Variants in CHDH observed in about 807,000 individuals in gnomAD.
CHDH encodes the protein choline dehydrogenase.
In CHDH, 43 loss-of-function variants were observed where a neutral mutation model predicts 56.9. That is an observed-to-expected ratio of 0.76 (90% CI 0.59 to 0.97). The LOEUF (loss-of-function observed/expected upper bound fraction) is 0.97, where lower values mean the gene tolerates loss of function less well. Among genes scored for constraint, CHDH ranks in the 50% least tolerant of loss-of-function variants. The pLI, the probability that CHDH is intolerant of heterozygous loss-of-function variation, is 0.00. For missense variants in CHDH, 816 were observed against 821.1 expected (o/e 0.99, Z 0.08); for synonymous variants, 364 against 348.5 (o/e 1.04, Z -0.50).
chr3:53,828,676 G>T (rs965772158), intron 2 of CHDH, among the ~76,000 whole-genome samples: 10 of 152,182 alleles, frequency 6.6e-5, no homozygotes, highest in Admixed American at 6.5e-5. Flanking sequence ...TCAGGAAAAT[G>T]CAAATTAAAA....
chr3:53,820,158 C>T (rs2095623467), intron 6 of CHDH, among the ~76,000 whole-genome samples: 1 of 152,238 alleles, frequency 6.6e-6, no homozygotes, highest in South Asian at 2.1e-4. Flanking sequence ...CCTTGGACCT[C>T]ACCTGCTGTC....
chr3:53,839,561 G>A (rs993943207), intron 2 of CHDH, among the ~76,000 whole-genome samples: 4 of 152,236 alleles, frequency 2.6e-5, no homozygotes, highest in African/African-American at 9.6e-5. Context: ...TGATTCTGCA[G>A]TTATGTTGTT....
At chr3:53,831,930 G>A (rs1255944203) in intron 2 of CHDH, among the ~76,000 whole-genome samples, 1 of 150,494 alleles carries the variant, frequency 6.6e-6, no homozygotes, top group African/African-American at 2.5e-5. Flanking sequence ...CTCCAGCCTG[G>A]CAACAGAGCC....
intron 3 of CHDH, 60 bp downstream of exon 3, chr3:53,823,246 G>A: frequency 7.1e-7 from 1 of 1,410,642 alleles, no homozygotes; most frequent in Non-Finnish European, 9.3e-7. Context: ...CACGGGCCAA[G>A]ATGGGTGGGG....
intron 3 of CHDH, among the ~76,000 whole-genome samples, chr3:53,823,048 C>T (rs570052364): frequency 6.6e-6 from 1 of 152,158 alleles, no homozygotes; most frequent in East Asian, 1.9e-4. Flanking sequence ...GTCCAGAGAG[C>T]TGATTCTCTG....
rs1319494146 is a variant in CHDH, at chr3:53,822,623, G to C, written c.723C>G (p.Ala241=). The C allele has an allele frequency of 6.2e-7, 1 of 1,610,702 alleles. No individual in the cohort carries two copies. The highest frequency in any genetic ancestry group is 1.7e-5 in the Admixed American group (1 of 60,022). Residue 241 remains alanine (A), a synonymous_variant, in exon 4 of 9, where the codon GCC becomes GCG. Transcript: ENST00000315251. ...TIHEGKRWSA[A]CAYLHPALSR... is the part of the protein sequence containing the mutation. ...TCAGTGCTGGGTGCAGGTAGGCACA[G>C]GCCGCGCTCCACCGTTTGCCTGCAG... is the stretch of plus-strand genomic sequence containing the variant.
intron 2 of CHDH, among the ~76,000 whole-genome samples, chr3:53,831,999 T>C (rs944251931): frequency 6.6e-6 from 1 of 150,656 alleles, no homozygotes; most frequent in Non-Finnish European, 1.5e-5. Flanking sequence ...AATGAGGATA[T>C]GGAGAAATGG....
chr3:53,817,519 G>A lies in CHDH; in HGVS notation c.*258C>T, dbSNP rs1213338765. 7 of 501,214 alleles carry A rather than the reference G, an allele frequency of 1.4e-5. No individual in the cohort carries two copies. Among genetic ancestry groups the A allele is most frequent in the Non-Finnish European group, 2.4e-5 (7 of 286,356 alleles). The allele number at this position is 501,214 out of a possible 1,614,324, so 31.0% of individuals were successfully genotyped here. A position where few individuals can be genotyped will look rare whatever the true frequency, so the allele number is the denominator to read the frequency against. On this transcript the variant is annotated 3_prime_UTR_variant, in exon 9 of 9. Coordinates refer to ENST00000315251, the MANE Select transcript of CHDH (RefSeq NM_018397.5). The stretch of plus-strand genomic sequence containing the variant: ...TCCTCCCCTTCTGTCCCTCCAGGAG[G>A]CAGGGAGGAACATCTCAGGCTGAAT...
chr3:53,832,468 C>T (rs539272152), intron 2 of CHDH, among the ~76,000 whole-genome samples: 2 of 151,770 alleles, frequency 1.3e-5, no homozygotes, highest in South Asian at 4.2e-4. Flanking sequence ...GGAGGCGGAG[C>T]TTGCAGTGAG....
Position 53,822,891 on chromosome 3 carries a change from C to A in CHDH, c.704-249G>T, listed in dbSNP as rs138603713. The stretch of plus-strand genomic sequence containing the variant: ...AACAGGAGGACACAGAGACCAGGAG[C>A]ACAGCCAGAGGGGTGAGAGCCTTCA... On this transcript the variant is annotated intron_variant, in intron 3 of 8. Transcript: ENST00000315251. Among the ~76,000 whole-genome samples the A allele has an allele frequency of 3.5e-3, 537 of 152,294 alleles. 7 individuals carry two copies. Among genetic ancestry groups the A allele is most frequent in the African/African-American group, 0.012 (514 of 41,556 alleles).
intron 2 of CHDH, among the ~76,000 whole-genome samples, chr3:53,835,068 T>C (rs1208954176): frequency 6.6e-6 from 1 of 152,220 alleles, no homozygotes; most frequent in African/African-American, 2.4e-5. Flanking sequence ...TTTAAAGGTA[T>C]AGCCCTTTGT....
At position 53,823,523 on chromosome 3, in the gene CHDH, G is replaced by T; in HGVS notation, c.486C>A (p.His162Gln). 5.2e-6 allele frequency: 8 copies of T among 1,542,292 alleles called. No individual in the cohort carries two copies. The highest frequency in any genetic ancestry group is 7.0e-6 in the Non-Finnish European group (8 of 1,145,894). Residue 162 changes from histidine to glutamine, a missense_variant, in exon 3 of 9, where the codon CAC (histidine) becomes CAA (glutamine). Transcript: ENST00000315251. ...RQGARGWDYA[H>Q]CLPYFRKAQG... ...GCGCCTTGCGGAAGTAGGGCAGGCA[G>T]TGCGCGTAGTCCCAGCCGCGGGCGC...
chr3:53,822,629 G>T lies in CHDH; in HGVS notation c.717C>A (p.Ser239Arg). 2 of 1,608,720 alleles carry T rather than the reference G, an allele frequency of 1.2e-6. No individual in the cohort carries two copies. Residue 239 changes from serine to arginine, a missense_variant, in exon 4 of 9, where the codon AGC (serine) becomes AGA (arginine). Physicochemically the swap from Ser to Arg is moderately radical, Grantham distance 110. Transcript: ENST00000315251. ...CTGGGTGCAGGTAGGCACAGGCCGC[G>T]CTCCACCGTTTGCCTGCAGGATGGA... ...DMTIHEGKRW[S>R]AACAYLHPAL...
At position 53,816,131 on chromosome 3, in the gene CHDH, A is replaced by ACCCC. The variant is rs202031062; in HGVS notation, c.*1645_*1646insGGGG. On this transcript the variant is annotated 3_prime_UTR_variant, in exon 9 of 9. Transcript: ENST00000315251. ...CAGAAAACTAACTTGTGGCTGTCGG[A>ACCCC]CGCCCCCCCCCCCCGCCCCAGTCTG... 4.6e-5 allele frequency: 4 copies of ACCCC among 86,966 alleles called. No homozygotes were observed. The highest frequency in any genetic ancestry group is 2.8e-4 in the African/African-American group (4 of 14,280). The allele number at this position is 86,966 out of a possible 1,614,324, so 5.4% of individuals were successfully genotyped here. A position where few individuals can be genotyped will look rare whatever the true frequency, so the allele number is the denominator to read the frequency against.
chr3:53,845,558 A>G (rs911353245), intron 1 of CHDH, among the ~76,000 whole-genome samples: 2 of 151,990 alleles, frequency 1.3e-5, no homozygotes, highest in Non-Finnish European at 2.9e-5. Flanking sequence ...ATTTTTGTGA[A>G]CTTTCCCCCA....
chr3:53,819,691 G>C lies in CHDH; in HGVS notation c.1121-17C>G. ...CTCCCTCCCCTGAGAAGCAGAAGAG[G>C]ATGAGGCAGAAGAGCCAGTCAGGCC... On this transcript the variant is annotated splice_polypyrimidine_tract_variant and intron_variant, in intron 6 of 8. Coordinates refer to ENST00000315251, the MANE Select transcript of CHDH (RefSeq NM_018397.5). This position sits in a 1 kb window ranked among gnomAD's most constrained non-coding sequence, Gnocchi z 5.4. 1 of 1,576,104 alleles carries C rather than the reference G, an allele frequency of 6.3e-7. No individual in the cohort carries two copies. The highest frequency in any genetic ancestry group is 8.6e-7 in the Non-Finnish European group (1 of 1,160,068).
Position 53,819,429 on chromosome 3 carries a change from G to T in CHDH, c.1263+103C>A. ...AGGCCTCTGTGTCCCCCACTCTGCA[G>T]CCATATGGCACCAGGGAGAATGCTG... On this transcript the variant is annotated intron_variant, in intron 7 of 8. Coordinates refer to ENST00000315251, the MANE Select transcript of CHDH (RefSeq NM_018397.5). The surrounding 1 kb of genome is among the most constrained non-coding windows in gnomAD (Gnocchi z 5.4). The T allele has an allele frequency of 6.9e-7, 1 of 1,456,358 alleles. No homozygotes were observed. The highest frequency in any genetic ancestry group is 9.3e-7 in the Non-Finnish European group (1 of 1,076,768). 90.2% of individuals were successfully genotyped at this position (1,456,358 alleles called of 1,614,324 possible).
intron 2 of CHDH, among the ~76,000 whole-genome samples, chr3:53,829,423 T>C (rs1316233547): frequency 6.6e-6 from 1 of 152,218 alleles, no homozygotes; most frequent in Admixed American, 6.5e-5. Context: ...GGTTTATTAT[T>C]TGTAATAAAT....
At chr3:53,823,164 G>C (rs2095631126) in intron 3 of CHDH, 142 bp downstream of exon 3, 1 of 760,402 alleles carries the variant, frequency 1.3e-6, no homozygotes, top group African/African-American at 1.8e-5. Context: ...TACTAAGCCA[G>C]ATCTCTTCCC....
Sources: gnomAD v4.1 joint callset for allele counts (sites outside exome capture counted in the v4.1 genomes callset) on GRCh38, gnomAD v4.1.1 for gene constraint, Gnocchi (gnomAD v3.1) non-coding constraint, MANE v1.5 for transcripts, NCBI Gene and HGNC (gene_info 2026-07-23, HGNC 2026-07-21) for gene names.